Variants in WSCD2 observed in about 807,000 individuals in gnomAD.
The protein encoded by WSCD2 is WSC domain sialate O sulfotransferase 2, also known as sialate:O-sulfotransferase 2.
Under a neutral mutation model 55.7 loss-of-function variants are expected in WSCD2, and 28 were observed. The observed-to-expected ratio is 0.50, with a 90% CI of 0.37 to 0.69. The LOEUF (loss-of-function observed/expected upper bound fraction) is 0.69, where lower values mean the gene tolerates loss of function less well. WSCD2 is among the 30% of genes least tolerant of loss of function. The probability of loss-of-function intolerance (pLI) is 0.00; values close to 1 mark genes in which losing one functional copy is unlikely to be tolerated. For synonymous variants in WSCD2, 301 were observed against 301.9 expected (o/e 1.00, Z 0.03); for missense variants, 616 against 762.1 (o/e 0.81, Z 2.26).
At chr12:108,224,947 A>G (rs1220787436) in intron 5 of WSCD2, 87 bp downstream of exon 5, 1 of 1,541,410 alleles carries the variant, frequency 6.5e-7, no homozygotes, top group East Asian at 2.3e-5. Context: ...TGGAGAAGCA[A>G]CAGCTCAGTC....
intron 6 of WSCD2, among the ~76,000 whole-genome samples, chr12:108,227,895 G>A (rs1231476656): frequency 1.3e-5 from 2 of 152,082 alleles, no homozygotes; most frequent in Non-Finnish European, 2.9e-5. Flanking sequence ...GACGATGATG[G>A]TGATGAGAAG....
At chr12:108,207,813 AT>A (rs1885609480) in intron 3 of WSCD2, among the ~76,000 whole-genome samples, 1 of 152,092 alleles carries the variant, frequency 6.6e-6, no homozygotes, top group South Asian at 2.1e-4. Context: ...ATAATATGAA[AT>A]CACTAACTTA....
rs1355675034 is a variant in WSCD2 at position 108,240,415 on chromosome 12, A to G, written c.1216A>G (p.Lys406Glu). ...CATCAAGACGCACGAAAGCGGCCAG[A>G]AAGAGATCGAGGCCTTCGACGCCGC... is the stretch of plus-strand genomic sequence containing the variant. ...ICIKTHESGQ[K>E]EIEAFDAAIL... The change falls in exon 8 of 9, where the codon AAA becomes GAA. Residue 406 changes from lysine to glutamate, a missense_variant. By Grantham distance (56) the Lys-to-Glu change is moderately conservative. This residue lies in a region of WSCD2 where 234 missense variants were observed against 264.6 expected (regional missense o/e 0.88). Transcript: ENST00000547525. 6.2e-7 allele frequency: 1 copy of G among 1,614,178 alleles called. No individual in the cohort carries two copies. Among genetic ancestry groups the G allele is most frequent in the East Asian group, 2.2e-5 (1 of 44,880 alleles).
intron 6 of WSCD2, among the ~76,000 whole-genome samples, chr12:108,230,204 A>G (rs774957035): frequency 2.6e-5 from 4 of 152,228 alleles, no homozygotes; most frequent in Non-Finnish European, 5.9e-5. Context: ...TATAAAACAT[A>G]ACCATATTCT....
At chr12:108,224,891 G>C (rs1190175153) in intron 5 of WSCD2, 31 bp downstream of exon 5, 5 of 1,606,814 alleles carry the variant, frequency 3.1e-6, no homozygotes, top group Non-Finnish European at 4.2e-6. Flanking sequence ...ATGGAACTCA[G>C]GGGGAGGGAA....
At chr12:108,174,296 A>G (rs894947627) in intron 1 of WSCD2, among the ~76,000 whole-genome samples, 2 of 152,212 alleles carry the variant, frequency 1.3e-5, no homozygotes, top group African/African-American at 4.8e-5. Context: ...GCTGCCTTAC[A>G]TAGAGTATTA....
chr12:108,174,023 A>G (rs1880535986), intron 1 of WSCD2, among the ~76,000 whole-genome samples: 2 of 152,080 alleles, frequency 1.3e-5, no homozygotes, highest in Admixed American at 1.3e-4. Context: ...TGCACTTTAC[A>G]GCGTCATCTC....
intron 7 of WSCD2, 75 bp downstream of exon 7, chr12:108,232,970 A>G: frequency 6.4e-7 from 1 of 1,558,632 alleles, no homozygotes; most frequent in African/African-American, 1.3e-5. Context: ...GGGTATGGGA[A>G]TACTCCTCCT....
At chr12:108,180,383 TCA>T (rs1356706331) in intron 1 of WSCD2, among the ~76,000 whole-genome samples, 1 of 152,238 alleles carries the variant, frequency 6.6e-6, no homozygotes, top group Non-Finnish European at 1.5e-5. Context: ...GAAATTTTCC[TCA>T]GAGATGATGC....
At chr12:108,233,678 A>T (rs1347695936) in intron 7 of WSCD2, among the ~76,000 whole-genome samples, 1 of 152,096 alleles carries the variant, frequency 6.6e-6, no homozygotes, top group East Asian at 1.9e-4. Context: ...CTGATTGGGG[A>T]TTGCATTCTA....
At chr12:108,149,158 G>T (rs181292730) in intron 1 of WSCD2, among the ~76,000 whole-genome samples, 1 of 152,178 alleles carries the variant, frequency 6.6e-6, no homozygotes, top group African/African-American at 2.4e-5. Context: ...AAACCTCTTT[G>T]TCCTTAACCT....
In WSCD2 at chr12:108,234,864, A is replaced by G. The variant is rs139213310; in HGVS notation, c.1144+1969A>G. Among the ~76,000 whole-genome samples the G allele has an allele frequency of 6.3e-3, 961 of 152,284 alleles. 8 individuals are homozygous for G. Among genetic ancestry groups the G allele is most frequent in the African/African-American group, 0.022 (914 of 41,546 alleles). The stretch of plus-strand genomic sequence containing the variant: ...TTGGTTTCATCTAGTGTTGATTCCA[A>G]TGAATTTTTGCTTAAGGATGATGTG... On this transcript the variant is annotated intron_variant, in intron 7 of 8. Transcript: ENST00000547525.
In WSCD2 at chr12:108,145,599, A is replaced by G. The variant is rs1051094852; in HGVS notation, c.-552+15673A>G. 5.9e-5 allele frequency among the ~76,000 whole-genome samples: 9 copies of G among 152,352 alleles called. No homozygotes were observed. In the East Asian group the frequency reaches 1.7e-3, roughly 29 times the overall value. On this transcript the variant is annotated intron_variant, in intron 1 of 8. Transcript: ENST00000547525. ...ACTGTTCAGCAGTATTTATTTAGGCAGCACAATACATGCCCTATGACTCTG... is the reference window on the plus strand; with the variant it reads ...ACTGTTCAGCAGTATTTATTTAGGCGGCACAATACATGCCCTATGACTCTG...
Position 108,248,707 on chromosome 12 carries a change from G to A in WSCD2, c.*364G>A. The A allele has an allele frequency of 9.7e-7, 1 of 1,028,952 alleles. No homozygotes were observed. 63.7% of individuals were successfully genotyped at this position (1,028,952 alleles called of 1,614,324 possible). ...ACTTGCTGGATGCCCCATGGCAATT[G>A]TCAAGGCTCTTGATGCAAGAGCCCA... On this transcript the variant is annotated 3_prime_UTR_variant, in exon 9 of 9. Transcript: ENST00000547525. This position sits in a 1 kb window ranked among gnomAD's most constrained non-coding sequence, Gnocchi z 4.3.
Position 108,157,741 on chromosome 12 carries a change from G to A in WSCD2, c.-552+27815G>A, listed in dbSNP as rs1446056592. Among the ~76,000 whole-genome samples the A allele has an allele frequency of 9.9e-5, 15 of 152,182 alleles. No individual in the cohort carries two copies. The South Asian group carries it at 2.1e-3, about 21-fold the overall frequency. On this transcript the variant is annotated intron_variant, in intron 1 of 8. Transcript: ENST00000547525. ...TGAGCTCCTGCAGTTGTTCTTCCTC[G>A]TCATCTTGCAAGCAGCCTCCTCTCC...
intron 7 of WSCD2, among the ~76,000 whole-genome samples, chr12:108,238,957 T>C (rs1593118769): frequency 6.6e-6 from 1 of 152,232 alleles, no homozygotes; most frequent in African/African-American, 2.4e-5. Context: ...CATAGAATTG[T>C]TGAGAGGATT....
At chr12:108,149,240 C>T (rs1877712670) in intron 1 of WSCD2, among the ~76,000 whole-genome samples, 1 of 152,206 alleles carries the variant, frequency 6.6e-6, no homozygotes, top group African/African-American at 2.4e-5. Context: ...AACAGATTTG[C>T]AGTCAAGCTA....
chr12:108,217,525 TG>T (rs1886983862), intron 4 of WSCD2, among the ~76,000 whole-genome samples: 3 of 152,168 alleles, frequency 2.0e-5, no homozygotes, highest in Admixed American at 1.3e-4. Context: ...CAGAGAGAGA[TG>T]GTCTCCAGAG....
chr12:108,231,735 C>A (rs1888783989), intron 6 of WSCD2, among the ~76,000 whole-genome samples: 1 of 152,210 alleles, frequency 6.6e-6, no homozygotes, highest in African/African-American at 2.4e-5. Context: ...ATTGTGGAAA[C>A]TTTTGGTGAA....
Sources: gnomAD v4.1 joint callset for allele counts (sites outside exome capture counted in the v4.1 genomes callset) on GRCh38, gnomAD v4.1.1 for gene constraint, gnomAD v4.1.1 regional missense constraint, Gnocchi (gnomAD v3.1) non-coding constraint, MANE v1.5 for transcripts, NCBI Gene and HGNC (gene_info 2026-07-23, HGNC 2026-07-21) for gene names.